The following SLC30A7 variants were observed in gnomAD, a reference collection of about 807,000 sequenced individuals.
The protein encoded by SLC30A7 is solute carrier family 30 member 7.
In SLC30A7, 35 loss-of-function variants were observed where a neutral mutation model predicts 46.0. The ratio of observed to expected loss-of-function variants is 0.76; its 90% confidence interval spans 0.58 to 1.01. The LOEUF (loss-of-function observed/expected upper bound fraction) is 1.01. SLC30A7 is among the 50% of genes least tolerant of loss of function. SLC30A7 has a pLI of 0.00. For missense variants in SLC30A7, 464 were observed against 451.1 expected, an observed-to-expected ratio of 1.03 and a Z score of -0.26; for synonymous variants, 147 against 157.8, an observed-to-expected ratio of 0.93 and a Z score of 0.51.
chr1:100,942,759 G>C (rs1224203669), intron 8 of SLC30A7, among the ~76,000 whole-genome samples: 1 of 152,186 alleles, frequency 6.6e-6, no homozygotes, highest in South Asian at 2.1e-4. Flanking sequence ...GTTACAGCTT[G>C]CTTTCATTTC....
At chr1:100,950,037 C>T (rs952397332) in intron 8 of SLC30A7, among the ~76,000 whole-genome samples, 30 of 152,166 alleles carry the variant, frequency 2.0e-4, no homozygotes, top group African/African-American at 6.8e-4. Flanking sequence ...CCAACCAGGC[C>T]CTGTGAGATG....
chr1:100,917,320 T>C (rs753882956), intron 6 of SLC30A7, among the ~76,000 whole-genome samples: 1 of 152,240 alleles, frequency 6.6e-6, no homozygotes, highest in Non-Finnish European at 1.5e-5. Flanking sequence ...ATTTCTTTGT[T>C]ACATTATTGC....
At chr1:100,918,158 T>G (rs1285136949) in intron 7 of SLC30A7, 31 bp downstream of exon 7, 5 of 1,563,364 alleles carry the variant, frequency 3.2e-6, no homozygotes, top group East Asian at 4.5e-5. Context: ...GTTTCTTAGT[T>G]TTTTGAAACT....
intron 2 of SLC30A7, among the ~76,000 whole-genome samples, chr1:100,899,271 G>A (rs1651154773): frequency 6.6e-6 from 1 of 152,026 alleles, no homozygotes; most frequent in South Asian, 2.1e-4. Flanking sequence ...AAAGAATGAG[G>A]GAATAATTAA....
rs185390635 is a variant in SLC30A7, at chr1:100,913,338, A to G, written c.512-325A>G. ...ATCTCCCGTGCCTAGAATGATTCCT[A>G]TAATAGAAAATGTTACCAATAAATA... On this transcript the variant is annotated intron_variant, in intron 5 of 10. Coordinates refer to ENST00000357650, the MANE Select transcript of SLC30A7 (RefSeq NM_133496.5). 1.4e-4 allele frequency among the ~76,000 whole-genome samples: 21 copies of G among 152,314 alleles called. 1 individual carries two copies. Among genetic ancestry groups the G allele is most frequent in the South Asian group, 2.1e-4 (1 of 4,828 alleles).
At position 100,933,079 on chromosome 1, in the gene SLC30A7, G is replaced by T. The variant is rs1193964118; in HGVS notation, c.842+11238G>T. Among the ~76,000 whole-genome samples the T allele has an allele frequency of 2.0e-5, 3 of 151,904 alleles. No homozygotes were observed. The East Asian group carries it at 5.8e-4, about 29-fold the overall frequency. On this transcript the variant is annotated intron_variant, in intron 8 of 10. Transcript: ENST00000357650. ...CAAGCTCTGCCTCCCTGGTTCAGGG[G>T]ATTCTCCTGCCTCAGCCTCCCGAGT...
chr1:100,988,584 G>A, the SLC30A7 span, among the ~76,000 whole-genome samples: 2 of 152,150 alleles, frequency 1.3e-5, no homozygotes, highest in Non-Finnish European at 2.9e-5. Flanking sequence ...AGTGGCTCAT[G>A]CCTGTAATCC....
chr1:100,993,598 A>ATATATATATATG, the SLC30A7 span, among the ~76,000 whole-genome samples: 10 of 128,236 alleles, frequency 7.8e-5, no homozygotes, highest in East Asian at 2.0e-3. Flanking sequence ...ATATATATAT[A>ATATATATATATG]GCTATTGTGG....
chr1:100,925,357 A>G lies in SLC30A7; in HGVS notation c.842+3516A>G, dbSNP rs77851229. On this transcript the variant is annotated intron_variant, in intron 8 of 10. Coordinates refer to ENST00000357650, the MANE Select transcript of SLC30A7 (RefSeq NM_133496.5). ...GAGTTTGGATTTTATTCCAAGTGCA[A>G]TGGGACACAATAAGGATATTTGTTT... Among the ~76,000 whole-genome samples, 561 of 152,364 alleles carry G rather than the reference A, an allele frequency of 3.7e-3. 28 individuals are homozygous for G. The East Asian group carries it at 0.09, about 24-fold the overall frequency.
intron 7 of SLC30A7, among the ~76,000 whole-genome samples, chr1:100,919,382 C>A (rs947186410): frequency 3.3e-5 from 5 of 152,230 alleles, no homozygotes; most frequent in African/African-American, 4.8e-5. Context: ...GGCTTCTGAT[C>A]CAATCTCAAC....
Position 100,973,541 on chromosome 1 carries a change from C to T in SLC30A7, c.1084-1269C>T, listed in dbSNP as rs141271763. 2.1e-3 allele frequency among the ~76,000 whole-genome samples: 323 copies of T among 152,010 alleles called. 4 individuals carry two copies. The highest frequency in any genetic ancestry group is 7.3e-3 in the African/African-American group (302 of 41,480). On this transcript the variant is annotated intron_variant, in intron 10 of 10. Transcript: ENST00000357650. ...AAGAAGAAGACCAAATCCTTTATCT[C>T]GGAGACATTATATTATAGTGAGAGG...
chr1:100,961,989 A>C, intron 9 of SLC30A7, 71 bp downstream of exon 9: 1 of 909,862 alleles, frequency 1.1e-6, no homozygotes, highest in Non-Finnish European at 1.7e-6. Context: ...GCTTTCACAA[A>C]TATGGGTAAC....
At position 100,921,758 on chromosome 1, in the gene SLC30A7, T is replaced by C. The variant is rs760460151; in HGVS notation, c.759T>C (p.Ala253=). The C allele has an allele frequency of 2.5e-6, 4 of 1,612,670 alleles. No homozygotes were observed. Among genetic ancestry groups the C allele is most frequent in the Admixed American group, 3.3e-5 (2 of 60,000 alleles). ...ADTLGSIGVI[A]SAIMMQNFGL... ...CACTTGGAAGTATTGGTGTAATTGC[T>C]TCTGCCATCATGATGCAAAATTTTG... is the stretch of plus-strand genomic sequence containing the variant. The change falls in exon 8 of 11, where the codon GCT becomes GCC. Residue 253 remains alanine, a synonymous_variant. Transcript: ENST00000357650.
the SLC30A7 span, among the ~76,000 whole-genome samples, chr1:100,993,528 G>A: frequency 7.9e-6 from 1 of 126,640 alleles, no homozygotes; most frequent in Admixed American, 9.6e-5. Flanking sequence ...CTCCAGCCTG[G>A]GCGACAGAGC....
chr1:100,963,403 A>G (rs1335113868), intron 9 of SLC30A7, among the ~76,000 whole-genome samples: 4 of 152,132 alleles, frequency 2.6e-5, no homozygotes, highest in Non-Finnish European at 5.9e-5. Context: ...ACAAGAAGTG[A>G]TCATTGACTG....
In SLC30A7 at chr1:100,942,178, T is replaced by G. The variant is rs193270728; in HGVS notation, c.843-19650T>G. 1.3e-4 allele frequency among the ~76,000 whole-genome samples: 20 copies of G among 152,304 alleles called. 1 individual carries two copies. The East Asian group carries it at 3.9e-3, about 29-fold the overall frequency. On this transcript the variant is annotated intron_variant, in intron 8 of 10. Transcript: ENST00000357650. ...AATGTCCAAAGGTTTGCATAATCTTTTGGCAAGGCTATGGGTAAAATAGGT... is the reference window on the plus strand; with the variant it reads ...AATGTCCAAAGGTTTGCATAATCTTGTGGCAAGGCTATGGGTAAAATAGGT...
At chr1:100,966,046 C>A in intron 10 of SLC30A7, 128 bp downstream of exon 10, 1 of 740,580 alleles carries the variant, frequency 1.4e-6, no homozygotes, top group Non-Finnish European at 2.2e-6. Flanking sequence ...GTGTGGGCAA[C>A]ATAGTGAGAC....
chr1:100,931,877 C>A (rs374078527), intron 8 of SLC30A7, among the ~76,000 whole-genome samples: 1 of 152,058 alleles, frequency 6.6e-6, no homozygotes, highest in East Asian at 1.9e-4. Flanking sequence ...ACCCTAAAGC[C>A]AAAAACTCCT....
chr1:100,940,938 CA>C, intron 8 of SLC30A7: 1 of 384,548 alleles, frequency 2.6e-6, no homozygotes, highest in South Asian at 2.0e-5. Context: ...GCTGAATTCA[CA>C]AATCCGTTGT....
Sources: gnomAD v4.1 joint callset for allele counts (sites outside exome capture counted in the v4.1 genomes callset) on GRCh38, gnomAD v4.1.1 for gene constraint, MANE v1.5 for transcripts, NCBI Gene and HGNC (gene_info 2026-07-23, HGNC 2026-07-21) for gene names.